Variants in IL1RAPL2 observed in about 807,000 individuals in gnomAD.
The protein encoded by IL1RAPL2 is X-linked interleukin-1 receptor accessory protein-like 2.
IL1RAPL2 carries 3 observed loss-of-function variants against 44.1 expected under a neutral mutation model. That is an observed-to-expected ratio of 0.07 (90% confidence interval 0.03 to 0.18). The LOEUF is 0.18. Ranked by LOEUF, IL1RAPL2 falls within the 10% of genes least tolerant of loss-of-function variation. IL1RAPL2 has a pLI of 1.00. For missense variants in IL1RAPL2, 391 were observed against 496.4 expected (o/e 0.79, Z 2.02); for synonymous variants, 181 against 178.8 (o/e 1.01, Z -0.10).
At chrX:105,504,822 A>G (rs1302298670) in intron 6 of IL1RAPL2, among the ~76,000 whole-genome samples, 3 of 111,868 alleles carry the variant, frequency 2.7e-5, no homozygotes, top group Non-Finnish European at 5.7e-5. Context: ...GGATTTCTTT[A>G]AGTCTATGCA....
chrX:105,256,879 G>A (rs2034319994), intron 4 of IL1RAPL2, among the ~76,000 whole-genome samples: 1 of 110,873 alleles, frequency 9.0e-6, no homozygotes, highest in Non-Finnish European at 1.9e-5. Context: ...CTAGCTAGTG[G>A]GCTATCTATC....
At chrX:105,270,353 C>G (rs2034437545) in intron 5 of IL1RAPL2, among the ~76,000 whole-genome samples, 2 of 111,468 alleles carry the variant, frequency 1.8e-5, no homozygotes, top group African/African-American at 3.3e-5. Context: ...TTTCTAGGAA[C>G]TGCCATGAAA....
At chrX:105,500,820 A>G (rs930800483) in intron 6 of IL1RAPL2, among the ~76,000 whole-genome samples, 1 of 111,483 alleles carries the variant, frequency 9.0e-6, no homozygotes, top group Non-Finnish European at 1.9e-5. Context: ...AGGAACTCAT[A>G]TCCCTTCTCA....
chrX:104,770,076 A>G (rs115240615), intron 2 of IL1RAPL2, among the ~76,000 whole-genome samples: 2,225 of 110,325 alleles, frequency 0.02, 57 homozygotes, highest in African/African-American at 0.069. Context: ...TCCTAGGCCT[A>G]TCTACCTTGA....
intron 2 of IL1RAPL2, among the ~76,000 whole-genome samples, chrX:104,845,209 C>T (rs967355226): frequency 1.5e-4 from 17 of 111,729 alleles, no homozygotes; most frequent in Admixed American, 1.3e-3. Context: ...CCAGTCAAAC[C>T]CAAAGTTTGT....
At chrX:105,516,673 T>C (rs1298257772) in intron 6 of IL1RAPL2, among the ~76,000 whole-genome samples, 1 of 111,971 alleles carries the variant, frequency 8.9e-6, no homozygotes, top group African/African-American at 3.2e-5. Flanking sequence ...AACAAATAAA[T>C]ACAAGAGTGA....
chrX:105,132,541 G>T (rs903757567), intron 2 of IL1RAPL2, among the ~76,000 whole-genome samples: 4 of 111,156 alleles, frequency 3.6e-5, no homozygotes, highest in Non-Finnish European at 7.6e-5. Flanking sequence ...TTCACAGACT[G>T]CCCAGCTTTT....
intron 6 of IL1RAPL2, among the ~76,000 whole-genome samples, chrX:105,680,807 A>G (rs1406987760): frequency 2.7e-5 from 3 of 112,129 alleles, no homozygotes; most frequent in Non-Finnish European, 3.8e-5. Flanking sequence ...GGTAACAGCC[A>G]AGACTCCTAT....
intron 10 of IL1RAPL2, among the ~76,000 whole-genome samples, chrX:105,761,980 G>C (rs2038691874): frequency 8.9e-6 from 1 of 111,790 alleles, no homozygotes; most frequent in African/African-American, 3.3e-5. Flanking sequence ...CATGAATATA[G>C]AGTTTTTTCT....
At chrX:105,613,748 T>C (rs2037353071) in intron 6 of IL1RAPL2, among the ~76,000 whole-genome samples, 1 of 111,812 alleles carries the variant, frequency 8.9e-6, no homozygotes, top group African/African-American at 3.3e-5. Context: ...TGAAACTCCT[T>C]TGCCTGCAGA....
At chrX:105,295,637 C>T (rs1200303970) in intron 5 of IL1RAPL2, among the ~76,000 whole-genome samples, 2 of 111,589 alleles carry the variant, frequency 1.8e-5, no homozygotes, top group Non-Finnish European at 3.8e-5. Context: ...TTCAATGTGC[C>T]TATAGAGTGA....
chrX:105,681,330 C>T (rs1252693368), intron 6 of IL1RAPL2, among the ~76,000 whole-genome samples: 2 of 111,281 alleles, frequency 1.8e-5, no homozygotes, highest in African/African-American at 3.3e-5. Context: ...TCCTTCAGTT[C>T]GAAGTATTCA....
At chrX:105,612,344 T>A (rs1329204934) in intron 6 of IL1RAPL2, among the ~76,000 whole-genome samples, 2 of 111,253 alleles carry the variant, frequency 1.8e-5, no homozygotes, top group African/African-American at 6.5e-5. Context: ...TGGTCTCAAG[T>A]GATCCACTGC....
chrX:105,038,273 T>C (rs2031663783), intron 2 of IL1RAPL2, among the ~76,000 whole-genome samples: 1 of 111,717 alleles, frequency 9.0e-6, no homozygotes, highest in South Asian at 3.7e-4. Flanking sequence ...CTGTCCTCTT[T>C]ATACTCAACC....
chrX:105,279,662 T>A (rs775528648), intron 5 of IL1RAPL2, among the ~76,000 whole-genome samples: 106 of 111,167 alleles, frequency 9.5e-4, no homozygotes, highest in Non-Finnish European at 1.6e-3. Flanking sequence ...GTATTTTTAG[T>A]AAAGATGGGG....
At chrX:105,459,403 T>G (rs1158455362) in intron 5 of IL1RAPL2, among the ~76,000 whole-genome samples, 1 of 111,729 alleles carries the variant, frequency 9.0e-6, no homozygotes, top group African/African-American at 3.3e-5. Context: ...GTCTGTGTGT[T>G]GGTTCTTGAA....
chrX:104,927,818 T>C (rs1376063590), intron 2 of IL1RAPL2, among the ~76,000 whole-genome samples: 1 of 111,665 alleles, frequency 9.0e-6, no homozygotes, highest in Non-Finnish European at 1.9e-5. Flanking sequence ...TTGTTTTCTA[T>C]TACCTTTTTA....
At chrX:105,001,509 G>A (rs2030850746) in intron 2 of IL1RAPL2, among the ~76,000 whole-genome samples, 1 of 111,365 alleles carries the variant, frequency 9.0e-6, no homozygotes, top group South Asian at 3.8e-4. Flanking sequence ...CTGGCCTTCA[G>A]GAGGCTCAAC....
chrX:104,859,850 G>A (rs780862427), intron 2 of IL1RAPL2, among the ~76,000 whole-genome samples: 14 of 111,748 alleles, frequency 1.3e-4, no homozygotes, highest in Non-Finnish European at 2.3e-4. Flanking sequence ...ATTGCTTTGC[G>A]TTGCAGTTTC....
Sources: gnomAD v4.1 joint callset for allele counts (sites outside exome capture counted in the v4.1 genomes callset) on GRCh38, gnomAD v4.1.1 for gene constraint, MANE v1.5 for transcripts, NCBI Gene and HGNC (gene_info 2026-07-23, HGNC 2026-07-21) for gene names.